The following CPT1A variants were observed in gnomAD, a reference collection of about 807,000 sequenced individuals.
CPT1A encodes carnitine O-palmitoyltransferase 1, liver isoform.
Under a neutral mutation model 100.8 loss-of-function variants are expected in CPT1A, and 64 were observed. The ratio of observed to expected loss-of-function variants is 0.63; its 90% CI spans 0.52 to 0.78. The LOEUF (loss-of-function observed/expected upper bound fraction) is 0.78. CPT1A is among the 30% of genes least tolerant of loss of function. CPT1A has a pLI of 0.00. For missense variants in CPT1A, 802 were observed against 1,034.1 expected (o/e 0.78, Z 3.08); for synonymous variants, 363 against 396.0 (o/e 0.92, Z 0.99).
chr11:68,762,193 G>C (rs1046895173), intron 15 of CPT1A, among the ~76,000 whole-genome samples: 1 of 152,140 alleles, frequency 6.6e-6, no homozygotes, highest in African/African-American at 2.4e-5. Flanking sequence ...ACAATGTACA[G>C]AAAACCCCCA....
intron 12 of CPT1A, among the ~76,000 whole-genome samples, chr11:68,779,491 TAAAA>T (rs369619747): frequency 1.2e-5 from 1 of 86,952 alleles, no homozygotes; most frequent in Non-Finnish European, 2.1e-5. Flanking sequence ...AACGAATTAT[TAAAA>T]AAAAAAAAAA....
chr11:68,775,325 G>T lies in CPT1A; in HGVS notation c.1566C>A (p.Ile522=). 1 of 1,612,500 alleles carries T rather than the reference G, an allele frequency of 6.2e-7. No homozygotes were observed. Among genetic ancestry groups the T allele is most frequent in the Non-Finnish European group, 8.5e-7 (1 of 1,178,508 alleles). The change falls in exon 13 of 19, where the codon ATC becomes ATA. Residue 522 remains isoleucine (I), a synonymous_variant. Coordinates refer to ENST00000265641, the MANE Select transcript of CPT1A (RefSeq NM_001876.4). ...GATAATCCGGACTTACTTCCCCCGG[G>T]ATGTCCCACTGCAGCCTGGTGGGGT... is the stretch of plus-strand genomic sequence containing the variant. ...IPYPTRLQWD[I]PGECQEVIET...
intron 1 of CPT1A, among the ~76,000 whole-genome samples, chr11:68,830,546 G>A (rs1466669143): frequency 3.3e-5 from 5 of 152,178 alleles, no homozygotes; most frequent in Non-Finnish European, 5.9e-5. Flanking sequence ...AGAGGCCCCA[G>A]CCAAGGCTGC....
intron 13 of CPT1A, 45 bp downstream of exon 13, chr11:68,775,271 T>C: frequency 6.8e-7 from 1 of 1,470,410 alleles, no homozygotes; most frequent in South Asian, 1.1e-5. Flanking sequence ...TCAAATGTGT[T>C]TCCCATCCCA....
chr11:68,781,062 A>G (rs548440016), intron 11 of CPT1A, among the ~76,000 whole-genome samples: 1 of 152,324 alleles, frequency 6.6e-6, no homozygotes, highest in East Asian at 1.9e-4. Flanking sequence ...TCATCAGCCA[A>G]TCCTTGGCTC....
intron 14 of CPT1A, among the ~76,000 whole-genome samples, chr11:68,766,502 T>C (rs1427306323): frequency 1.3e-5 from 2 of 152,192 alleles, no homozygotes; most frequent in Non-Finnish European, 2.9e-5. Flanking sequence ...TTTTATTTTT[T>C]TGAGACAGAG....
intron 1 of CPT1A, among the ~76,000 whole-genome samples, chr11:68,819,331 C>T (rs1360261560): frequency 3.3e-5 from 5 of 152,160 alleles, no homozygotes; most frequent in South Asian, 2.1e-4. Flanking sequence ...CCGCCCACCT[C>T]GGCCTCCCAA....
chr11:68,778,198 G>C (rs901265468), intron 12 of CPT1A, among the ~76,000 whole-genome samples: 1 of 151,978 alleles, frequency 6.6e-6, no homozygotes, highest in African/African-American at 2.4e-5. Context: ...AAAAGAGGTA[G>C]AGGAAGATGA....
chr11:68,781,646 G>T, intron 11 of CPT1A, 125 bp downstream of exon 11: 1 of 901,112 alleles, frequency 1.1e-6, no homozygotes, highest in Non-Finnish European at 1.9e-6. Context: ...TAAAACTGAA[G>T]GTTATATTTT....
chr11:68,837,844 G>C (rs1857048933), intron 1 of CPT1A, among the ~76,000 whole-genome samples: 2 of 152,074 alleles, frequency 1.3e-5, no homozygotes, highest in Non-Finnish European at 2.9e-5. Flanking sequence ...AAAAAAGAAA[G>C]GATGTCTCAA....
intron 1 of CPT1A, among the ~76,000 whole-genome samples, chr11:68,837,961 C>T (rs977137212): frequency 6.6e-6 from 1 of 152,142 alleles, no homozygotes; most frequent in African/African-American, 2.4e-5. Context: ...CAGCACTTAG[C>T]CCCGGCTGCA....
intron 10 of CPT1A, among the ~76,000 whole-genome samples, chr11:68,783,792 G>T (rs1435797664): frequency 1.3e-5 from 2 of 152,222 alleles, no homozygotes; most frequent in African/African-American, 4.8e-5. Context: ...GGCCCTGAGT[G>T]TGCACAGCTC....
In CPT1A at chr11:68,827,264, T is replaced by A. The variant is rs568043859; in HGVS notation, c.-13-11777A>T. The stretch of plus-strand genomic sequence containing the variant: ...GCGAGGCTCACACAAGCCCGGGAGG[T>A]TGAGGCTACAGTGAGCCATGATCAC... On this transcript the variant is annotated intron_variant, in intron 1 of 18. Coordinates refer to ENST00000265641, the MANE Select transcript of CPT1A (RefSeq NM_001876.4). Among the ~76,000 whole-genome samples, 90 of 151,982 alleles carry A rather than the reference T, an allele frequency of 5.9e-4. 1 individual carries two copies. The highest frequency in any genetic ancestry group is 2.1e-3 in the African/African-American group (87 of 41,460).
rs954738844 is a variant in CPT1A, at chr11:68,841,108, G to C, written c.-14+667C>G. Among the ~76,000 whole-genome samples, 2 of 152,262 alleles carry C rather than the reference G, an allele frequency of 1.3e-5. No individual in the cohort carries two copies. The highest frequency in any genetic ancestry group is 2.9e-5 in the Non-Finnish European group (2 of 68,050). ...ACCGCGAGGGCGGGCATGGGGAGGG[G>C]GACCGGGGAGACGGACGCTGGGATG... On this transcript the variant is annotated intron_variant, in intron 1 of 18. Transcript: ENST00000265641. The surrounding 1 kb of genome is among the most constrained non-coding windows in gnomAD (Gnocchi z 6.3).
intron 9 of CPT1A, among the ~76,000 whole-genome samples, chr11:68,789,682 G>A (rs529457223): frequency 3.7e-4 from 57 of 152,096 alleles, no homozygotes; most frequent in Non-Finnish European, 7.1e-4. Context: ...GATTACAGGC[G>A]TGAGCCACCA....
intron 14 of CPT1A, among the ~76,000 whole-genome samples, chr11:68,768,951 G>A (rs1445880995): frequency 2.0e-5 from 3 of 151,998 alleles, no homozygotes; most frequent in East Asian, 1.9e-4. Flanking sequence ...TACCAACCCC[G>A]TAGGCAAAAA....
At chr11:68,778,228 G>A (rs1028764781) in intron 12 of CPT1A, among the ~76,000 whole-genome samples, 4 of 152,094 alleles carry the variant, frequency 2.6e-5, no homozygotes, top group African/African-American at 9.7e-5. Context: ...CCCTAACCTA[G>A]TCTTGGGAGA....
chr11:68,772,682 A>G (rs964477117), intron 14 of CPT1A, among the ~76,000 whole-genome samples: 2 of 152,174 alleles, frequency 1.3e-5, no homozygotes, highest in Non-Finnish European at 2.9e-5. Context: ...GACATCACTT[A>G]ATAGCTATAT....
chr11:68,841,854 G>C lies in CPT1A; in HGVS notation c.-93C>G. On this transcript the variant is annotated 5_prime_UTR_variant, in exon 1 of 19. Transcript: ENST00000265641. The surrounding 1 kb of genome is among the most constrained non-coding windows in gnomAD (Gnocchi z 6.3). ...GCGGTGGAGTGAACGAGCGGCGAGC[G>C]GGAGCCGGGGAAGGAGGGCCGCGGG... is the stretch of plus-strand genomic sequence containing the variant. The C allele has an allele frequency of 2.0e-6, 2 of 994,140 alleles. No homozygotes were observed. Among genetic ancestry groups the C allele is most frequent in the South Asian group, 4.5e-5 (1 of 22,320 alleles). The allele number at this position is 994,140 out of a possible 1,614,324, so 61.6% of individuals were successfully genotyped here.
Sources: allele counts gnomAD v4.1 joint callset (sites outside exome capture counted in the v4.1 genomes callset), GRCh38; gene constraint gnomAD v4.1.1; non-coding constraint Gnocchi (gnomAD v3.1); transcripts MANE v1.5; gene names NCBI Gene and HGNC (gene_info 2026-07-23, HGNC 2026-07-21).